The following RBM6 variants were observed in gnomAD, a reference collection of about 807,000 sequenced individuals.
RBM6 encodes the protein RNA-binding protein 6.
Under a neutral mutation model 140.4 loss-of-function variants are expected in RBM6, and 23 were observed. That is an observed-to-expected ratio of 0.16 (90% CI 0.12 to 0.23). RBM6 has a LOEUF of 0.23. Among genes scored for constraint, RBM6 ranks in the 10% least tolerant of loss-of-function variants. The pLI is 1.00. For missense variants in RBM6, 1,139 were observed against 1,386.7 expected (o/e 0.82, Z 2.84); for synonymous variants, 439 against 475.6 (o/e 0.92, Z 1.00).
intron 1 of RBM6, among the ~76,000 whole-genome samples, chr3:49,958,074 G>A (rs1310582775): frequency 6.6e-6 from 1 of 152,046 alleles, no homozygotes. Context: ...TCAGGTGTGA[G>A]CCACCGCACC....
At chr3:50,054,164 G>T in intron 7 of RBM6, 171 bp from the exon 8 acceptor site, 1 of 598,122 alleles carries the variant, frequency 1.7e-6, no homozygotes. Context: ...TAGCTCATCA[G>T]ATCCCATCTG....
intron 5 of RBM6, among the ~76,000 whole-genome samples, chr3:49,996,492 T>C (rs1436355398): frequency 6.6e-6 from 1 of 152,212 alleles, no homozygotes; most frequent in Non-Finnish European, 1.5e-5. Context: ...TTAAGGCTCT[T>C]AAAATATACT....
chr3:49,980,928 A>G (rs999512554), intron 5 of RBM6, among the ~76,000 whole-genome samples: 2 of 151,658 alleles, frequency 1.3e-5, no homozygotes, highest in African/African-American at 4.8e-5. Flanking sequence ...TTTGAGACGG[A>G]GTCTTGCACT....
chr3:49,949,272 TC>T (rs1337173345), intron 1 of RBM6, among the ~76,000 whole-genome samples: 1 of 152,154 alleles, frequency 6.6e-6, no homozygotes, highest in Non-Finnish European at 1.5e-5. Flanking sequence ...TGTTGATTCT[TC>T]TTTTTACTTA....
intron 1 of RBM6, among the ~76,000 whole-genome samples, chr3:49,957,287 C>T (rs1310719351): frequency 1.3e-5 from 2 of 151,000 alleles, no homozygotes; most frequent in Non-Finnish European, 3.0e-5. Context: ...AATGTTTTGA[C>T]TTTCTTCTCA....
intron 1 of RBM6, 144 bp from the exon 2 acceptor site, chr3:49,962,431 CA>C (rs201474763): frequency 0.071 from 29,104 of 407,282 alleles, no homozygotes; most frequent in South Asian, 0.11. Flanking sequence ...GACTCCATCT[CA>C]AAAAAAAAAA....
chr3:50,034,747 C>T (rs1054560139), intron 6 of RBM6, among the ~76,000 whole-genome samples: 11 of 152,082 alleles, frequency 7.2e-5, no homozygotes, highest in Admixed American at 4.6e-4. Context: ...GGCGACAGAG[C>T]GAGACTCCGT....
At chr3:50,076,823 G>A (rs914492942) in intron 20 of RBM6, among the ~76,000 whole-genome samples, 185 bp from the exon 21 acceptor site, 1 of 151,752 alleles carries the variant, frequency 6.6e-6, no homozygotes, top group Non-Finnish European at 1.5e-5. Context: ...AGGCAGACTT[G>A]CAGTGAGCCC....
chr3:50,015,593 G>C (rs565199275), intron 6 of RBM6, among the ~76,000 whole-genome samples: 3 of 151,504 alleles, frequency 2.0e-5, no homozygotes, highest in Non-Finnish European at 4.4e-5. Flanking sequence ...ACCACGCCCG[G>C]CTAATTTTTT....
rs1275407918 is a variant in RBM6, at chr3:49,967,829, A to G, written c.404A>G (p.Tyr135Cys). The part of the protein sequence containing the change: ...FRDREGPPMD[Y>C]RGGDGTSMDY... ...GATAGAGAAGGACCACCTATGGACTATAGGGGTGGAGATGGTACTTCTATG... is the reference window on the plus strand; with the variant it reads ...GATAGAGAAGGACCACCTATGGACTGTAGGGGTGGAGATGGTACTTCTATG... Residue 135 changes from tyrosine to cysteine, a missense_variant, in exon 3 of 21, where the codon TAT becomes TGT. By Grantham distance (194) the Tyr-to-Cys change is radical. Coordinates refer to ENST00000266022, the MANE Select transcript of RBM6 (RefSeq NM_005777.3). This position sits in a 1 kb window ranked among gnomAD's most constrained non-coding sequence, Gnocchi z 4.0. The G allele has an allele frequency of 4.3e-6, 7 of 1,613,978 alleles. No individual in the cohort carries two copies. In the African/African-American group the frequency reaches 5.3e-5, roughly 12 times the overall value.
At chr3:50,076,501 G>C (rs1261037435) in intron 20 of RBM6, among the ~76,000 whole-genome samples, 1 of 151,964 alleles carries the variant, frequency 6.6e-6, no homozygotes, top group African/African-American at 2.4e-5. Flanking sequence ...AGAATCGCTT[G>C]TACCGGGGAG....
intron 6 of RBM6, among the ~76,000 whole-genome samples, chr3:50,035,219 A>G: frequency 6.6e-6 from 1 of 152,068 alleles, no homozygotes; most frequent in Non-Finnish European, 1.5e-5. Context: ...ACAACAGGAG[A>G]GAGTTTATTT....
At chr3:50,060,915 C>G (rs202220745) in intron 11 of RBM6, 41 bp from the exon 12 acceptor site, 2 of 1,521,814 alleles carry the variant, frequency 1.3e-6, no homozygotes, top group African/African-American at 2.8e-5. Flanking sequence ...TCAAATGCCA[C>G]TTGGTAGCAG....
At chr3:50,049,106 A>G (rs908193352) in intron 7 of RBM6, among the ~76,000 whole-genome samples, 3 of 149,018 alleles carry the variant, frequency 2.0e-5, no homozygotes, top group African/African-American at 7.4e-5. Context: ...TGGCCTGTTT[A>G]TTTATTTATT....
intron 19 of RBM6, 50 bp from the exon 20 acceptor site, chr3:50,075,151 C>T (rs780583305): frequency 1.8e-5 from 28 of 1,571,212 alleles, no homozygotes; most frequent in African/African-American, 4.1e-5. Flanking sequence ...AGTGAAACTC[C>T]GTCTCAAAAA....
chr3:50,015,093 T>G (rs1271262531), intron 6 of RBM6, among the ~76,000 whole-genome samples: 2 of 151,070 alleles, frequency 1.3e-5, no homozygotes, highest in Non-Finnish European at 3.0e-5. Context: ...TTAAATTTTT[T>G]GTTTTATTTC....
At chr3:50,061,358 C>T (rs567512456) in intron 13 of RBM6, 104 bp from the exon 14 acceptor site, 3 of 1,579,614 alleles carry the variant, frequency 1.9e-6, no homozygotes, top group Non-Finnish European at 2.6e-6. Context: ...TCTGTAGATG[C>T]ACCTATTTGT....
Position 49,972,135 on chromosome 3 carries a change from C to T in RBM6, c.1400C>T (p.Ala467Val), listed in dbSNP as rs2084823202. ...CGATTAAGTGGGGTACCTGAAGATG[C>T]CACAAAAGAAGAGGTAAGGCATGTC... Reference protein sequence around the residue: ...LIRLSGVPEDATKEEILNAFR... With the variant: ...LIRLSGVPEDVTKEEILNAFR... The change falls in exon 4 of 21, where the codon GCC (alanine) becomes GTC (valine). Residue 467 changes from alanine (A) to valine (V), a missense_variant. Physicochemically the swap from Ala to Val is moderately conservative, Grantham distance 64. Around this residue, in one of 9 missense-constraint regions of RBM6, gnomAD observed 566 missense variants for 612.7 expected, o/e 0.92. Transcript: ENST00000266022. 2 of 1,610,294 alleles carry T rather than the reference C, an allele frequency of 1.2e-6. No individual in the cohort carries two copies. Among genetic ancestry groups the T allele is most frequent in the Non-Finnish European group, 1.7e-6 (2 of 1,177,102 alleles).
chr3:50,033,766 C>T (rs1248633494), intron 6 of RBM6, among the ~76,000 whole-genome samples: 1 of 152,078 alleles, frequency 6.6e-6, no homozygotes, highest in Non-Finnish European at 1.5e-5. Context: ...CTCAGCCTCC[C>T]GAGTAGCTGG....
Sources: gnomAD v4.1 joint callset for allele counts (sites outside exome capture counted in the v4.1 genomes callset) on GRCh38, gnomAD v4.1.1 for gene constraint, gnomAD v4.1.1 regional missense constraint, Gnocchi (gnomAD v3.1) non-coding constraint, MANE v1.5 for transcripts, NCBI Gene and HGNC (gene_info 2026-07-23, HGNC 2026-07-21) for gene names.